The following PRDM5 variants were observed in gnomAD, a reference collection of about 807,000 sequenced individuals.
The protein encoded by PRDM5 is PR/SET domain 5.
Under a neutral mutation model 81.2 loss-of-function variants are expected in PRDM5, and 56 were observed. The observed-to-expected ratio is 0.69, with a 90% confidence interval of 0.56 to 0.86. The LOEUF (loss-of-function observed/expected upper bound fraction) is 0.86, where lower values mean the gene tolerates loss of function less well. Ranked by LOEUF, PRDM5 falls within the 40% of genes least tolerant of loss-of-function variation. The probability of loss-of-function intolerance (pLI) is 0.00; values close to 1 mark genes in which losing one functional copy is unlikely to be tolerated. For missense variants in PRDM5, 697 were observed against 770.1 expected (o/e 0.91, Z 1.12); for synonymous variants, 267 against 256.4 (o/e 1.04, Z -0.39).
In PRDM5 at chr4:120,692,054, G is replaced by A. The variant is rs1217258825; in HGVS notation, c.*3057C>T. 1 of 151,926 alleles carries A rather than the reference G, an allele frequency of 6.6e-6. No individual in the cohort carries two copies. Among genetic ancestry groups the A allele is most frequent in the Admixed American group, 6.6e-5 (1 of 15,228 alleles). 9.4% of individuals were successfully genotyped at this position (151,926 alleles called of 1,614,324 possible). On this transcript the variant is annotated 3_prime_UTR_variant, in exon 16 of 16. Coordinates refer to ENST00000264808, the MANE Select transcript of PRDM5 (RefSeq NM_018699.4). The stretch of plus-strand genomic sequence containing the variant: ...TGGTAAAATTTTAGGATTTTAAAGA[G>A]GCACATTTCCTCCTACCTACCCACT...
chr4:120,846,787 T>G (rs1484298975), intron 3 of PRDM5, among the ~76,000 whole-genome samples: 1 of 152,162 alleles, frequency 6.6e-6, no homozygotes, highest in Non-Finnish European at 1.5e-5. Context: ...TTAAAGGTTA[T>G]TTTTACTGCT....
intron 15 of PRDM5, among the ~76,000 whole-genome samples, chr4:120,701,445 G>T (rs1275408733): frequency 6.6e-6 from 1 of 152,150 alleles, no homozygotes; most frequent in Non-Finnish European, 1.5e-5. Context: ...GCCATGAACA[G>T]TGGACTGGAT....
intron 14 of PRDM5, among the ~76,000 whole-genome samples, chr4:120,728,111 T>C (rs1739711129): frequency 6.6e-6 from 1 of 151,648 alleles, no homozygotes. Flanking sequence ...TCATTGCCAG[T>C]CCCCAGACCC....
chr4:120,827,814 G>T (rs546850096), intron 3 of PRDM5, among the ~76,000 whole-genome samples: 1 of 152,192 alleles, frequency 6.6e-6, no homozygotes, highest in South Asian at 2.1e-4. Context: ...AACCCGATTA[G>T]GAAGTGCTCT....
intron 14 of PRDM5, among the ~76,000 whole-genome samples, chr4:120,747,824 G>A (rs560317571): frequency 1.3e-5 from 2 of 152,330 alleles, no homozygotes; most frequent in African/African-American, 2.4e-5. Context: ...AGAGAACTGC[G>A]ATCTTAGAAA....
At chr4:120,727,787 A>C (rs1486452220) in intron 14 of PRDM5, among the ~76,000 whole-genome samples, 3 of 151,996 alleles carry the variant, frequency 2.0e-5, no homozygotes, top group African/African-American at 7.2e-5. Flanking sequence ...AATACAAAAA[A>C]ATTAGCTGGA....
chr4:120,734,781 C>T (rs561442727), intron 14 of PRDM5, among the ~76,000 whole-genome samples: 13 of 152,168 alleles, frequency 8.5e-5, no homozygotes, highest in Non-Finnish European at 1.5e-4. Context: ...GCAGACTAAA[C>T]GCTCCTCTGT....
intron 7 of PRDM5, among the ~76,000 whole-genome samples, chr4:120,813,596 A>G (rs566180268): frequency 6.6e-6 from 1 of 152,380 alleles, no homozygotes; most frequent in African/African-American, 2.4e-5. Context: ...TAAATATGAT[A>G]GCCAAGAAAA....
chr4:120,741,909 A>G (rs530673139), intron 14 of PRDM5, among the ~76,000 whole-genome samples: 1 of 152,170 alleles, frequency 6.6e-6, no homozygotes, highest in African/African-American at 2.4e-5. Flanking sequence ...GCCAGCTCAA[A>G]CTGGGTGGAG....
chr4:120,691,039 T>C (rs141120826), downstream of PRDM5, among the ~76,000 whole-genome samples: 633 of 152,252 alleles, frequency 4.2e-3, 3 homozygotes, highest in Middle Eastern at 0.01. Context: ...TAACTAAATA[T>C]ATGTTTTAAT....
chr4:120,864,306 G>A (rs1579036909), intron 2 of PRDM5, among the ~76,000 whole-genome samples: 1 of 152,168 alleles, frequency 6.6e-6, no homozygotes, highest in South Asian at 2.1e-4. Flanking sequence ...TGGGAAGTAC[G>A]ATCTACAGGC....
chr4:120,769,352 G>C (rs75458496), intron 13 of PRDM5, among the ~76,000 whole-genome samples: 8,336 of 152,182 alleles, frequency 0.055, 340 homozygotes, highest in African/African-American at 0.12. Context: ...GGAGGGTAAA[G>C]GAGCATGGAT....
chr4:120,819,883 G>A (rs1227846418), intron 4 of PRDM5, among the ~76,000 whole-genome samples: 1 of 152,068 alleles, frequency 6.6e-6, no homozygotes, highest in East Asian at 1.9e-4. Context: ...CTAAAATAAA[G>A]AAACAGAAGC....
At chr4:120,741,728 A>G (rs879599925) in intron 14 of PRDM5, among the ~76,000 whole-genome samples, 2 of 152,182 alleles carry the variant, frequency 1.3e-5, no homozygotes, top group Non-Finnish European at 2.9e-5. Context: ...ACAGGCTTAA[A>G]AAAACGGCAC....
intron 1 of PRDM5, among the ~76,000 whole-genome samples, chr4:120,912,439 T>A (rs1766628221): frequency 2.6e-5 from 4 of 152,076 alleles, no homozygotes; most frequent in Admixed American, 2.6e-4. Context: ...ATCAGGTAAA[T>A]CCAGATGTGA....
chr4:120,833,298 T>C (rs150890467), intron 3 of PRDM5, among the ~76,000 whole-genome samples: 3 of 152,272 alleles, frequency 2.0e-5, no homozygotes, highest in Non-Finnish European at 4.4e-5. Context: ...CTTTGTGCAA[T>C]GTATCCATTC....
intron 14 of PRDM5, among the ~76,000 whole-genome samples, chr4:120,725,304 T>C (rs555399353): frequency 6.6e-5 from 10 of 151,674 alleles, no homozygotes; most frequent in Admixed American, 5.9e-4. Flanking sequence ...CAAATTTGAG[T>C]TCAATCTTCT....
At position 120,697,902 on chromosome 4, in the gene PRDM5, C is replaced by T. The variant is rs976309873; in HGVS notation, c.1729-2627G>A. Among the ~76,000 whole-genome samples, 10 of 150,006 alleles carry T rather than the reference C, an allele frequency of 6.7e-5. No homozygotes were observed. The South Asian group carries it at 8.5e-4, about 13-fold the overall frequency. The stretch of plus-strand genomic sequence containing the variant: ...AATAATAAGATCAAGGCAACTTAGT[C>T]GACAATACTCAAATAAAAATTATAA... On this transcript the variant is annotated intron_variant, in intron 15 of 15. Transcript: ENST00000264808.
At chr4:120,905,752 G>A (rs1340110247) in intron 2 of PRDM5, among the ~76,000 whole-genome samples, 3 of 152,076 alleles carry the variant, frequency 2.0e-5, no homozygotes. Flanking sequence ...ACATGCAAGA[G>A]AGACTCTCTA....
Sources: gnomAD v4.1 joint callset for allele counts (sites outside exome capture counted in the v4.1 genomes callset) on GRCh38, gnomAD v4.1.1 for gene constraint, MANE v1.5 for transcripts, NCBI Gene and HGNC (gene_info 2026-07-23, HGNC 2026-07-21) for gene names.